PACRG: variants seen among roughly 807,000 people sequenced by gnomAD.
PACRG encodes parkin coregulated, also known as parkin coregulated gene protein.
Under a neutral mutation model 29.7 loss-of-function variants are expected in PACRG, and 29 were observed. That is an observed-to-expected ratio of 0.98 (90% CI 0.73 to 1.33). PACRG has a LOEUF of 1.33. PACRG is among the 40% of genes most tolerant of loss of function. PACRG has a pLI of 0.00. For synonymous variants in PACRG, 116 were observed against 118.7 expected, an observed-to-expected ratio of 0.98 and a Z score of 0.15; for missense variants, 279 against 316.2, an observed-to-expected ratio of 0.88 and a Z score of 0.89.
At chr6:162,876,336 A>G (rs1479075120) in intron 2 of PACRG, among the ~76,000 whole-genome samples, 1 of 152,306 alleles carries the variant, frequency 6.6e-6, no homozygotes, top group East Asian at 1.9e-4. Context: ...TCCTCTAATA[A>G]TACAGGAGAG....
At chr6:162,826,982 G>A (rs1788341094) in intron 2 of PACRG, among the ~76,000 whole-genome samples, 1 of 152,114 alleles carries the variant, frequency 6.6e-6, no homozygotes, top group Admixed American at 6.5e-5. Context: ...TATAGCATTG[G>A]ATTGGAGGTA....
intron 2 of PACRG, among the ~76,000 whole-genome samples, chr6:162,986,305 C>T (rs1000626260): frequency 1.3e-5 from 2 of 152,150 alleles, no homozygotes; most frequent in African/African-American, 4.8e-5. Context: ...TACTTAACCT[C>T]AAACTATACT....
intron 2 of PACRG, among the ~76,000 whole-genome samples, chr6:162,972,240 A>G: frequency 6.6e-6 from 1 of 152,216 alleles, no homozygotes; most frequent in East Asian, 1.9e-4. Context: ...GTGATTCATT[A>G]TAAAATAATA....
chr6:163,233,794 A>G (rs1782133575), intron 4 of PACRG, among the ~76,000 whole-genome samples: 5 of 152,234 alleles, frequency 3.3e-5, no homozygotes, highest in Admixed American at 3.3e-4. Flanking sequence ...TAACTTCTGG[A>G]TTTCTGTTCT....
intron 1 of PACRG, among the ~76,000 whole-genome samples, chr6:162,729,279 C>G (rs1045854185): frequency 6.6e-6 from 1 of 152,048 alleles, no homozygotes; most frequent in African/African-American, 2.4e-5. Context: ...GTAATTTACA[C>G]CCTGGGAAGA....
intron 4 of PACRG, among the ~76,000 whole-genome samples, chr6:163,130,865 T>C (rs1201449307): frequency 6.6e-6 from 1 of 152,186 alleles, no homozygotes; most frequent in African/African-American, 2.4e-5. Context: ...TGTACTGAGT[T>C]GAAAAGTCTC....
At chr6:163,115,646 C>G (rs148442252) in intron 4 of PACRG, among the ~76,000 whole-genome samples, 1 of 152,136 alleles carries the variant, frequency 6.6e-6, no homozygotes, top group East Asian at 1.9e-4. Flanking sequence ...TAAAAACAAG[C>G]AGGACGAGGC....
intron 4 of PACRG, among the ~76,000 whole-genome samples, chr6:163,127,134 C>G (rs1294638020): frequency 1.3e-5 from 2 of 152,190 alleles, no homozygotes; most frequent in African/African-American, 4.8e-5. Flanking sequence ...AATGAAGTGG[C>G]AAGTGCCATT....
Position 162,766,088 on chromosome 6 carries a change from C to T in PACRG, c.156+37697C>T, listed in dbSNP as rs550536403. On this transcript the variant is annotated intron_variant, in intron 1 of 4. Transcript: ENST00000366888. Reference sequence around the variant, plus strand: ...CTTTGTGGTGAAAACATTTAAAATTCTCTCTTTAGCTATTTAAAAATATGT... The same window carrying T: ...CTTTGTGGTGAAAACATTTAAAATTTTCTCTTTAGCTATTTAAAAATATGT... 5.3e-5 allele frequency among the ~76,000 whole-genome samples: 8 copies of T among 152,220 alleles called. No homozygotes were observed. The South Asian group carries it at 1.7e-3, about 32-fold the overall frequency.
At chr6:162,823,516 CTTT>C (rs545819014) in intron 2 of PACRG, among the ~76,000 whole-genome samples, 2 of 142,762 alleles carry the variant, frequency 1.4e-5, no homozygotes, top group Non-Finnish European at 3.1e-5. Flanking sequence ...CTTTTCTCTT[CTTT>C]TTTTTTTTTT....
chr6:162,872,762 C>T (rs959485381), intron 2 of PACRG, among the ~76,000 whole-genome samples: 3 of 152,170 alleles, frequency 2.0e-5, no homozygotes, highest in African/African-American at 7.2e-5. Context: ...TTGGTTCCCA[C>T]CATCCCACCG....
intron 2 of PACRG, among the ~76,000 whole-genome samples, chr6:163,034,400 G>T (rs960848132): frequency 6.6e-6 from 1 of 152,178 alleles, no homozygotes; most frequent in African/African-American, 2.4e-5. Context: ...GGACTTTAAT[G>T]AGAGGGACTT....
At chr6:163,112,030 C>G in intron 4 of PACRG, 3 of 954,664 alleles carry the variant, frequency 3.1e-6, no homozygotes, top group Non-Finnish European at 3.7e-6. Flanking sequence ...ATTTAGGTGA[C>G]ACTGTACCAA....
intron 2 of PACRG, among the ~76,000 whole-genome samples, chr6:162,856,310 C>T (rs1212375161): frequency 3.9e-5 from 6 of 152,170 alleles, no homozygotes; most frequent in South Asian, 2.1e-4. Context: ...CTTCCCACTT[C>T]GGCCTCCCAA....
intron 2 of PACRG, among the ~76,000 whole-genome samples, chr6:163,056,392 G>T (rs1056154292): frequency 1.3e-5 from 2 of 152,198 alleles, no homozygotes; most frequent in Non-Finnish European, 2.9e-5. Flanking sequence ...GCATTCAATA[G>T]AACATTATTC....
At chr6:163,009,539 G>C (rs1805428372) in intron 2 of PACRG, among the ~76,000 whole-genome samples, 1 of 152,096 alleles carries the variant, frequency 6.6e-6, no homozygotes, top group Non-Finnish European at 1.5e-5. Flanking sequence ...TCTTCCCATG[G>C]TCTTTAGAAA....
intron 4 of PACRG, among the ~76,000 whole-genome samples, chr6:163,179,931 T>C (rs1301721576): frequency 6.6e-6 from 1 of 152,162 alleles, no homozygotes; most frequent in Admixed American, 6.5e-5. Flanking sequence ...AGGCACCCCG[T>C]CCAGTGTCCC....
intron 1 of PACRG, among the ~76,000 whole-genome samples, chr6:162,749,766 C>A (rs1008681018): frequency 3.3e-5 from 5 of 152,024 alleles, no homozygotes; most frequent in African/African-American, 9.7e-5. Flanking sequence ...ATGATCTGCC[C>A]GCCTCGGCCT....
rs878953204 is a variant in PACRG, at chr6:163,179,111, G to C, written c.613+89703G>C. On this transcript the variant is annotated intron_variant, in intron 4 of 4. Transcript: ENST00000366888. ...TCAAAAAGAAGCTTAGGTTTCAATG[G>C]TGGGTTTCCTTTTTGGGCATGGACC... 2.6e-5 allele frequency: 11 copies of C among 422,938 alleles called. No homozygotes were observed. In the Admixed American group the frequency reaches 2.7e-4, roughly 10 times the overall value. 26.2% of individuals were successfully genotyped at this position (422,938 alleles called of 1,614,324 possible).
Sources: gnomAD v4.1 joint callset for allele counts (sites outside exome capture counted in the v4.1 genomes callset) on GRCh38, gnomAD v4.1.1 for gene constraint, MANE v1.5 for transcripts, NCBI Gene and HGNC (gene_info 2026-07-23, HGNC 2026-07-21) for gene names.